DHX30: variants seen among roughly 807,000 people sequenced by gnomAD.
DHX30 encodes the protein DExH-box helicase 30, also known as ATP-dependent RNA helicase DHX30.
In DHX30, 4 loss-of-function variants were observed where a neutral mutation model predicts 116.9. That is an observed-to-expected ratio of 0.03 (90% CI 0.02 to 0.08). The LOEUF (loss-of-function observed/expected upper bound fraction) is 0.08, where lower values mean the gene tolerates loss of function less well. DHX30 is among the 10% of genes least tolerant of loss of function. DHX30 has a pLI of 1.00. For missense variants in DHX30, 871 were observed against 1,595.1 expected (o/e 0.55, Z 7.73); for synonymous variants, 697 against 651.7 (o/e 1.07, Z -1.06).
At position 47,849,473 on chromosome 3, in the gene DHX30, G is replaced by A. The variant is rs1270102369; in HGVS notation, c.3110G>A (p.Arg1037Gln). 1 of 1,577,116 alleles carries A rather than the reference G, an allele frequency of 6.3e-7. No individual in the cohort carries two copies. Reference sequence around the variant, plus strand: ...CAGGTGAGGCAGGGCAAGGTCACCCGGCAGGGGAAGTTCAAGCCCAACAGC... The same window carrying A: ...CAGGTGAGGCAGGGCAAGGTCACCCAGCAGGGGAAGTTCAAGCCCAACAGC... ...LIQVRQGKVT[R>Q]QGKFKPNSVT... The change falls in exon 20 of 22, where the codon CGG becomes CAG. Residue 1037 changes from arginine to glutamine, a missense_variant. Physicochemically the swap from Arg to Gln is conservative, Grantham distance 43. Coordinates refer to ENST00000445061, the MANE Select transcript of DHX30 (RefSeq NM_138615.3).
intron 8 of DHX30, chr3:47,842,368 A>G (rs531410192): frequency 6.5e-6 from 1 of 152,880 alleles, no homozygotes; most frequent in East Asian, 1.9e-4. Flanking sequence ...AAGAGATAAC[A>G]ACATAAAACC....
intron 4 of DHX30, chr3:47,819,159 A>AC (rs2036184812): frequency 6.3e-6 from 8 of 1,268,718 alleles, no homozygotes; most frequent in Non-Finnish European, 7.5e-6. Context: ...AAGAAATGCC[A>AC]CCCCCCTACC....
At chr3:47,842,717 C>G (rs2037436740) in intron 8 of DHX30, 2 of 165,520 alleles carry the variant, frequency 1.2e-5, no homozygotes, top group Admixed American at 1.2e-4. Flanking sequence ...CTAAGTACAA[C>G]AGTTAAGCAG....
chr3:47,803,857 T>C (rs2035405443), intron 1 of DHX30, among the ~76,000 whole-genome samples: 1 of 152,220 alleles, frequency 6.6e-6, no homozygotes, highest in South Asian at 2.1e-4. Flanking sequence ...AAGCCAGGGA[T>C]ATGGCATATC....
chr3:47,803,295 C>T, intron 1 of DHX30, 83 bp downstream of exon 1: 1 of 388,344 alleles, frequency 2.6e-6, no homozygotes, highest in Admixed American at 4.5e-5. Context: ...GAGGAGGGGG[C>T]CCGGTCCGAC....
chr3:47,850,108 A>T lies in DHX30; in HGVS notation c.3573A>T (p.Thr1191=). Residue 1191 remains threonine, a synonymous_variant, in exon 22 of 22, where the codon ACA becomes ACT. Coordinates refer to ENST00000445061, the MANE Select transcript of DHX30 (RefSeq NM_138615.3). Reference sequence around the variant, plus strand: ...GTGGCAGCTTTGATGTGCGCAAGACAGCTGACGACTGAGCCCTGCTTCTGC... The same window carrying T: ...GTGGCAGCTTTGATGTGCGCAAGACTGCTGACGACTGAGCCCTGCTTCTGC... ...GPCGSFDVRK[T]ADD is the part of the protein sequence containing the mutation. 6.3e-7 allele frequency: 1 copy of T among 1,590,354 alleles called. No homozygotes were observed. Among genetic ancestry groups the T allele is most frequent in the South Asian group, 1.1e-5 (1 of 89,080 alleles).
Position 47,847,543 on chromosome 3 carries a change from G to T in DHX30, c.2110+7G>T, listed in dbSNP as rs372368543. ...AAGTACCTCATCCTGCCAGGTGAGA[G>T]CCCCGGCGGAGGGACCAGGGACCTT... On this transcript the variant is annotated splice_region_variant and intron_variant, in intron 13 of 21. Transcript: ENST00000445061. The surrounding 1 kb of genome is among the most constrained non-coding windows in gnomAD (Gnocchi z 5.5). The T allele has an allele frequency of 1.4e-5, 22 of 1,593,532 alleles. No homozygotes were observed. The African/African-American group carries it at 2.8e-4, about 20-fold the overall frequency.
At chr3:47,828,881 C>T (rs773755567) in intron 5 of DHX30, 143 bp from the exon 6 acceptor site, 4 of 639,456 alleles carry the variant, frequency 6.3e-6, no homozygotes, top group African/African-American at 1.9e-5. Flanking sequence ...GGGGTTCTGT[C>T]CTCTGTTCTC....
Position 47,848,106 on chromosome 3 carries a change from T to A in DHX30, c.2287-74T>A. 1.9e-6 allele frequency: 3 copies of A among 1,594,696 alleles called. No homozygotes were observed. The highest frequency in any genetic ancestry group is 8.6e-7 in the Non-Finnish European group (1 of 1,165,756). ...CAGTGTTCCTGATGTAGGGGGCTGG[T>A]GAGGGTTACTCAGGGAGTGGGGAAG... On this transcript the variant is annotated intron_variant, in intron 14 of 21. Transcript: ENST00000445061. This position sits in a 1 kb window ranked among gnomAD's most constrained non-coding sequence, Gnocchi z 9.4.
intron 6 of DHX30, among the ~76,000 whole-genome samples, chr3:47,839,688 T>C (rs1434036371): frequency 6.6e-6 from 1 of 151,402 alleles, no homozygotes; most frequent in Non-Finnish European, 1.5e-5. Flanking sequence ...TTTGTTTGTT[T>C]GTTTGTTTTT....
At chr3:47,803,266 G>A (rs1288775879) in intron 1 of DHX30, 54 bp downstream of exon 1, 5 of 391,030 alleles carry the variant, frequency 1.3e-5, no homozygotes, top group Non-Finnish European at 2.3e-5. Context: ...AGCCTGCCGC[G>A]GCCGGGGGTG....
At chr3:47,822,015 T>C (rs2036321023) in intron 4 of DHX30, 1 of 152,246 alleles carries the variant, frequency 6.6e-6, no homozygotes, top group Non-Finnish European at 1.5e-5. Flanking sequence ...TCTGCCATTA[T>C]AGAATGAAAG....
intron 3 of DHX30, among the ~76,000 whole-genome samples, chr3:47,813,667 A>G (rs1412767621): frequency 6.6e-6 from 1 of 152,154 alleles, no homozygotes; most frequent in African/African-American, 2.4e-5. Context: ...ACTGCTGATT[A>G]AATAGGTCTT....
At chr3:47,828,188 G>A (rs1160686635) in intron 5 of DHX30, among the ~76,000 whole-genome samples, 1 of 151,912 alleles carries the variant, frequency 6.6e-6, no homozygotes, top group African/African-American at 2.4e-5. Context: ...GCCTGGTTGT[G>A]GTGGTTCGTG....
At chr3:47,813,483 G>A (rs531129550) in intron 3 of DHX30, among the ~76,000 whole-genome samples, 2 of 152,242 alleles carry the variant, frequency 1.3e-5, no homozygotes, top group African/African-American at 2.4e-5. Flanking sequence ...AGGTAAAGTA[G>A]CCTGTGGGGA....
chr3:47,836,393 C>A (rs575074910), intron 6 of DHX30, among the ~76,000 whole-genome samples: 3 of 152,166 alleles, frequency 2.0e-5, no homozygotes, highest in Non-Finnish European at 4.4e-5. Flanking sequence ...CTGCCTCCGC[C>A]TCCCAAAGTG....
At chr3:47,840,652 A>G (rs900384961) in intron 6 of DHX30, among the ~76,000 whole-genome samples, 2 of 152,004 alleles carry the variant, frequency 1.3e-5, no homozygotes, top group Admixed American at 6.6e-5. Flanking sequence ...ACAAAAAACA[A>G]ACAGTATCTT....
At chr3:47,840,746 G>T in intron 6 of DHX30, 131 bp from the exon 7 acceptor site, 1 of 1,091,008 alleles carries the variant, frequency 9.2e-7, no homozygotes, top group Non-Finnish European at 1.3e-6. Flanking sequence ...TCTGGACTAG[G>T]GGCTGAAGTG....
intron 2 of DHX30, 29 bp from the exon 3 acceptor site, chr3:47,810,628 C>T: frequency 6.3e-7 from 1 of 1,582,490 alleles, no homozygotes; most frequent in Admixed American, 1.7e-5. Context: ...GAATATTAAC[C>T]ATTGCCTCTT....
Sources: allele counts gnomAD v4.1 joint callset (sites outside exome capture counted in the v4.1 genomes callset), GRCh38; gene constraint gnomAD v4.1.1; non-coding constraint Gnocchi (gnomAD v3.1); transcripts MANE v1.5; gene names NCBI Gene and HGNC (gene_info 2026-07-23, HGNC 2026-07-21).